The following QTMAN variants were observed in gnomAD, a reference collection of about 807,000 sequenced individuals.
QTMAN encodes the protein tRNA-queuosine alpha-mannosyltransferase.
the QTMAN span, among the ~76,000 whole-genome samples, chr2:143,962,579 G>A: frequency 6.6e-6 from 1 of 152,246 alleles, no homozygotes; most frequent in Admixed American, 6.5e-5. Flanking sequence ...GATGAACTCA[G>A]TGTCAAGGTA....
At chr2:144,307,883 C>A in the QTMAN span, among the ~76,000 whole-genome samples, 1 of 151,392 alleles carries the variant, frequency 6.6e-6, no homozygotes, top group African/African-American at 2.4e-5. Flanking sequence ...ATAATTCAAT[C>A]ATTTAGATGT....
the QTMAN span, among the ~76,000 whole-genome samples, chr2:144,242,300 G>A: frequency 6.6e-6 from 1 of 150,976 alleles, no homozygotes; most frequent in African/African-American, 2.4e-5. Context: ...TGAACCAAGG[G>A]TTATGCTGAA....
the QTMAN span, among the ~76,000 whole-genome samples, chr2:144,183,976 G>A: frequency 3.3e-5 from 5 of 152,120 alleles, no homozygotes; most frequent in African/African-American, 4.8e-5. Context: ...TGATGGCTAC[G>A]TACAGTGGCG....
chr2:144,270,798 T>A, the QTMAN span, among the ~76,000 whole-genome samples: 4 of 152,150 alleles, frequency 2.6e-5, no homozygotes, highest in South Asian at 2.1e-4. Flanking sequence ...GTTCTGCCCA[T>A]GTATCCCAGA....
chr2:144,187,284 T>C, the QTMAN span, among the ~76,000 whole-genome samples: 1 of 152,188 alleles, frequency 6.6e-6, no homozygotes, highest in Admixed American at 6.5e-5. Context: ...TGACATAACA[T>C]GGCTGAGGTC....
chr2:144,175,346 T>C, the QTMAN span, among the ~76,000 whole-genome samples: 1 of 152,040 alleles, frequency 6.6e-6, no homozygotes, highest in Non-Finnish European at 1.5e-5. Flanking sequence ...AAAGTAAACC[T>C]TCCTAACATC....
At chr2:144,282,213 C>T in the QTMAN span, among the ~76,000 whole-genome samples, 1 of 152,164 alleles carries the variant, frequency 6.6e-6, no homozygotes, top group Admixed American at 6.5e-5. Context: ...TTTATTTATT[C>T]AGTCCTGGCC....
At chr2:144,303,599 T>C in the QTMAN span, among the ~76,000 whole-genome samples, 3 of 152,242 alleles carry the variant, frequency 2.0e-5, no homozygotes. Context: ...TGATGAGATA[T>C]GTATAAATAA....
chr2:144,262,096 G>A, the QTMAN span, among the ~76,000 whole-genome samples: 5 of 152,188 alleles, frequency 3.3e-5, no homozygotes, highest in South Asian at 1.0e-3. Context: ...CCACAGAATG[G>A]AAATGGCAAC....
chr2:144,171,109 C>CA, the QTMAN span, among the ~76,000 whole-genome samples: 1 of 152,130 alleles, frequency 6.6e-6, no homozygotes, highest in East Asian at 1.9e-4. Flanking sequence ...AAGATAATCA[C>CA]CTTATTAATT....
the QTMAN span, among the ~76,000 whole-genome samples, chr2:144,008,756 C>T: frequency 3.9e-5 from 6 of 152,000 alleles, no homozygotes; most frequent in Non-Finnish European, 1.5e-5. Context: ...ATCAAGAACC[C>T]TCAAAGAACG....
chr2:144,133,400 A>AATATAATATATTATATATAATAT, the QTMAN span, among the ~76,000 whole-genome samples: 1 of 41,948 alleles, frequency 2.4e-5, no homozygotes, highest in African/African-American at 8.4e-5. Flanking sequence ...ATATTATATA[A>AATATAATATATTATATATAATAT]ATATAATATA....
the QTMAN span, among the ~76,000 whole-genome samples, chr2:144,076,241 C>T: frequency 6.6e-6 from 1 of 152,004 alleles, no homozygotes. Flanking sequence ...AGTGAGACTC[C>T]ACCTCAAAAG....
At chr2:144,052,062 G>A in the QTMAN span, among the ~76,000 whole-genome samples, 1 of 152,026 alleles carries the variant, frequency 6.6e-6, no homozygotes, top group African/African-American at 2.4e-5. Flanking sequence ...GGGCGACTGA[G>A]TTGTCTTGTT....
the QTMAN span, among the ~76,000 whole-genome samples, chr2:144,153,832 A>C: frequency 6.6e-6 from 1 of 152,192 alleles, no homozygotes; most frequent in South Asian, 2.1e-4. Context: ...ATAGAAAACC[A>C]CGTATCGTGC....
At chr2:143,970,820 G>C in the QTMAN span, 2 of 966,926 alleles carry the variant, frequency 2.1e-6, no homozygotes, top group Non-Finnish European at 3.4e-6. Flanking sequence ...GTTAGGAAAA[G>C]TGGTTTCACT....
chr2:143,989,250 TTAATA>T, the QTMAN span, among the ~76,000 whole-genome samples: 4 of 151,818 alleles, frequency 2.6e-5, no homozygotes, highest in Non-Finnish European at 2.9e-5. Flanking sequence ...GTAATATAAT[TTAATA>T]TAATTTTTTA....
At chr2:144,061,973 C>T in the QTMAN span, among the ~76,000 whole-genome samples, 1 of 152,186 alleles carries the variant, frequency 6.6e-6, no homozygotes, top group Non-Finnish European at 1.5e-5. Context: ...CTCCAGCTTT[C>T]CATCCTGCTG....
chr2:144,032,083 T>TGG, the QTMAN span, among the ~76,000 whole-genome samples: 1 of 151,976 alleles, frequency 6.6e-6, no homozygotes, highest in African/African-American at 2.4e-5. Flanking sequence ...GCTCCGGGCC[T>TGG]GGGGGTATGA....
Sources: allele counts gnomAD v4.1 joint callset (sites outside exome capture counted in the v4.1 genomes callset), GRCh38; gene constraint gnomAD v4.1.1; transcripts MANE v1.5; gene names NCBI Gene and HGNC (gene_info 2026-07-23, HGNC 2026-07-21).